The following PPFIBP1 variants were observed in gnomAD, a reference collection of about 807,000 sequenced individuals.
PPFIBP1 encodes the protein liprin-beta-1.
In PPFIBP1, 112 loss-of-function variants were observed where a neutral mutation model predicts 137.8. The ratio of observed to expected loss-of-function variants is 0.81; its 90% CI spans 0.70 to 0.95. The LOEUF is 0.95. Ranked by LOEUF, PPFIBP1 falls within the 40% of genes least tolerant of loss-of-function variation. The pLI, the probability that PPFIBP1 is intolerant of heterozygous loss-of-function variation, is 0.00. For synonymous variants in PPFIBP1, 378 were observed against 417.3 expected, an observed-to-expected ratio of 0.91 and a Z score of 1.15; for missense variants, 1,083 against 1,196.6, an observed-to-expected ratio of 0.91 and a Z score of 1.40.
chr12:27,647,363 A>G (rs966006928), intron 5 of PPFIBP1, among the ~76,000 whole-genome samples: 1 of 152,006 alleles, frequency 6.6e-6, no homozygotes, highest in Non-Finnish European at 1.5e-5. Context: ...CAAATTTTTG[A>G]TAATTTCTAT....
intron 2 of PPFIBP1, among the ~76,000 whole-genome samples, chr12:27,600,956 A>AT (rs1367215817): frequency 6.6e-6 from 1 of 152,128 alleles, no homozygotes; most frequent in Non-Finnish European, 1.5e-5. Flanking sequence ...AATATTTATC[A>AT]TTTTTTTGTG....
At chr12:27,627,669 G>C (rs7963411) in intron 2 of PPFIBP1, among the ~76,000 whole-genome samples, 88,444 of 151,942 alleles carry the variant, frequency 0.58, 26,244 homozygotes, top group Non-Finnish European at 0.61. Context: ...GTCAGCAACC[G>C]TGCAAAAAAT....
At chr12:27,591,155 G>A (rs575751899) in intron 2 of PPFIBP1, among the ~76,000 whole-genome samples, 1 of 151,608 alleles carries the variant, frequency 6.6e-6, no homozygotes, top group African/African-American at 2.4e-5. Flanking sequence ...AATATTTGTA[G>A]AAGGAAGAAA....
At chr12:27,615,458 T>C (rs1023966557) in intron 2 of PPFIBP1, among the ~76,000 whole-genome samples, 3 of 152,202 alleles carry the variant, frequency 2.0e-5, no homozygotes, top group South Asian at 4.1e-4. Flanking sequence ...TAAGTGGATG[T>C]GCCTGTGTTT....
At chr12:27,656,983 C>A (rs538960449) in intron 9 of PPFIBP1, 135 of 324,718 alleles carry the variant, frequency 4.2e-4, no homozygotes, top group African/African-American at 2.8e-3. Context: ...ACTGTAAATT[C>A]TCATCACAAG....
chr12:27,618,548 A>G (rs1321390348), intron 2 of PPFIBP1, among the ~76,000 whole-genome samples: 2 of 152,216 alleles, frequency 1.3e-5, no homozygotes, highest in East Asian at 3.8e-4. Flanking sequence ...AACTTTTTCA[A>G]CCAATTGCCA....
chr12:27,640,439 A>T (rs1248883691), intron 4 of PPFIBP1, among the ~76,000 whole-genome samples: 1 of 152,212 alleles, frequency 6.6e-6, no homozygotes, highest in Non-Finnish European at 1.5e-5. Context: ...ATATTGAATG[A>T]ATGAAGTTGC....
At chr12:27,595,262 G>A (rs2053066247) in intron 2 of PPFIBP1, among the ~76,000 whole-genome samples, 3 of 152,180 alleles carry the variant, frequency 2.0e-5, no homozygotes, top group Admixed American at 6.5e-5. Context: ...ACACACACAC[G>A]CGCATACACA....
chr12:27,662,283 G>A (rs2059600242), intron 11 of PPFIBP1, among the ~76,000 whole-genome samples: 1 of 152,212 alleles, frequency 6.6e-6, no homozygotes, highest in Admixed American at 6.5e-5. Flanking sequence ...GGAACATGAA[G>A]TGCAGGTGGA....
chr12:27,596,526 A>AT (rs1462393188), intron 2 of PPFIBP1, among the ~76,000 whole-genome samples: 1 of 151,824 alleles, frequency 6.6e-6, no homozygotes, highest in Non-Finnish European at 1.5e-5. Flanking sequence ...TTTTATTATT[A>AT]TTTTTTATTT....
intron 2 of PPFIBP1, among the ~76,000 whole-genome samples, chr12:27,580,173 A>T (rs2050957354): frequency 6.6e-6 from 1 of 152,208 alleles, no homozygotes; most frequent in African/African-American, 2.4e-5. Context: ...GGCAGGCCTG[A>T]GCTCAGAAGG....
intron 9 of PPFIBP1, among the ~76,000 whole-genome samples, chr12:27,658,233 G>A (rs972509539): frequency 1.3e-5 from 2 of 151,744 alleles, no homozygotes; most frequent in Non-Finnish European, 2.9e-5. Flanking sequence ...CTGAGGACTC[G>A]AACCAACCTG....
chr12:27,636,257 T>TTGATAATC (rs2057663176), intron 4 of PPFIBP1: 1 of 27,120 alleles, frequency 3.7e-5, no homozygotes, highest in African/African-American at 9.6e-5. Flanking sequence ...CTACACAAAC[T>TTGATAATC]GGAGTTATTT....
chr12:27,593,376 C>G, intron 2 of PPFIBP1: 1 of 452,358 alleles, frequency 2.2e-6, no homozygotes, highest in South Asian at 1.6e-5. Flanking sequence ...CCCTTCCTAT[C>G]CTATGAGGCA....
intron 2 of PPFIBP1, chr12:27,593,774 G>A (rs2137395066): frequency 2.5e-6 from 2 of 802,186 alleles, no homozygotes; most frequent in East Asian, 5.6e-5. Context: ...CCCAGGCCAG[G>A]AAGATGTTCA....
chr12:27,672,711 A>C (rs2060275741), intron 15 of PPFIBP1, among the ~76,000 whole-genome samples: 1 of 152,152 alleles, frequency 6.6e-6, no homozygotes, highest in Non-Finnish European at 1.5e-5. Flanking sequence ...TGCAGATCTC[A>C]TGCCGGGGTT....
At chr12:27,580,865 G>C (rs1051897535) in intron 2 of PPFIBP1, among the ~76,000 whole-genome samples, 49 of 151,680 alleles carry the variant, frequency 3.2e-4, no homozygotes, top group Admixed American at 2.8e-3. Context: ...GGAAACTAGG[G>C]TCATTTTGCA....
Position 27,689,036 on chromosome 12 carries a change from G to T in PPFIBP1, c.2518G>T (p.Val840Leu), listed in dbSNP as rs539499516. Reference protein sequence around the residue: ...GLMVLEPRFNVETMAQLLNIP... With the variant: ...GLMVLEPRFNLETMAQLLNIP... ...ACAGGTTCTAGAGCCTCGTTTTAAC[G>T]TAGAAACAATGGCTCAGTTATTGAA... Residue 840 changes from valine to leucine, a missense_variant, in exon 27 of 30, where the codon GTA becomes TTA. Val to Leu is a conservative substitution (Grantham distance 32). Coordinates refer to ENST00000228425, the MANE Select transcript of PPFIBP1 (RefSeq NM_003622.4). 11 of 1,612,374 alleles carry T rather than the reference G, an allele frequency of 6.8e-6. No homozygotes were observed. In the African/African-American group the frequency reaches 1.3e-4, roughly 20 times the overall value.
chr12:27,647,132 A>G (rs552954074), intron 5 of PPFIBP1, among the ~76,000 whole-genome samples: 60 of 152,116 alleles, frequency 3.9e-4, no homozygotes, highest in African/African-American at 1.3e-3. Context: ...CTCCTGAGTA[A>G]CTGGGATTAC....
Sources: gnomAD v4.1 joint callset for allele counts (sites outside exome capture counted in the v4.1 genomes callset) on GRCh38, gnomAD v4.1.1 for gene constraint, MANE v1.5 for transcripts, NCBI Gene and HGNC (gene_info 2026-07-23, HGNC 2026-07-21) for gene names.